Variants in CADPS observed in about 807,000 individuals in gnomAD.
CADPS encodes the protein calcium-dependent secretion activator 1.
Under a neutral mutation model 167.3 loss-of-function variants are expected in CADPS, and 57 were observed. The ratio of observed to expected loss-of-function variants is 0.34; its 90% confidence interval spans 0.28 to 0.42. The LOEUF (loss-of-function observed/expected upper bound fraction) is 0.42, where lower values mean the gene tolerates loss of function less well. Ranked by LOEUF, CADPS falls within the 20% of genes least tolerant of loss-of-function variation. The probability of loss-of-function intolerance (pLI) is 1.00; values close to 1 mark genes in which losing one functional copy is unlikely to be tolerated. For missense variants in CADPS, 1,414 were observed against 1,738.1 expected (o/e 0.81, Z 3.32); for synonymous variants, 676 against 635.3 (o/e 1.06, Z -0.96).
intron 28 of CADPS, among the ~76,000 whole-genome samples, chr3:62,427,668 C>CA (rs1015556690): frequency 3.3e-5 from 5 of 152,112 alleles, no homozygotes; most frequent in African/African-American, 4.8e-5. Context: ...AGCACTAACT[C>CA]AGAGTTCCCC....
At chr3:62,706,733 C>T (rs914916030) in intron 3 of CADPS, among the ~76,000 whole-genome samples, 5 of 152,076 alleles carry the variant, frequency 3.3e-5, no homozygotes, top group African/African-American at 4.8e-5. Flanking sequence ...TCCAGATTTC[C>T]CCTTTTTATA....
chr3:62,803,277 G>T (rs776977082), intron 1 of CADPS, among the ~76,000 whole-genome samples: 18 of 151,494 alleles, frequency 1.2e-4, no homozygotes, highest in Admixed American at 9.2e-4. Flanking sequence ...TTATTAAAGA[G>T]CCTGTAAGAC....
chr3:62,530,697 T>C, intron 13 of CADPS: 1 of 1,289,104 alleles, frequency 7.8e-7, no homozygotes, highest in East Asian at 5.6e-5. Flanking sequence ...TCTTTTCTTT[T>C]TTTGGATTCC....
chr3:62,816,592 T>C (rs897971627), intron 1 of CADPS, among the ~76,000 whole-genome samples: 2 of 151,768 alleles, frequency 1.3e-5, no homozygotes. Flanking sequence ...TATCTATGTA[T>C]ATATTTAAAG....
At chr3:62,711,536 T>G (rs10510886) in intron 3 of CADPS, among the ~76,000 whole-genome samples, 55,740 of 152,138 alleles carry the variant, frequency 0.37, 12,295 homozygotes, top group East Asian at 0.74. Flanking sequence ...AGTTCTTGTC[T>G]AATTGCTATT....
intron 14 of CADPS, 77 bp downstream of exon 14, chr3:62,518,072 T>G: frequency 1.1e-6 from 1 of 945,538 alleles, no homozygotes; most frequent in Non-Finnish European, 1.7e-6. Flanking sequence ...GATTTACAGT[T>G]TTGGAAAATT....
intron 11 of CADPS, among the ~76,000 whole-genome samples, chr3:62,540,107 C>T (rs760283553): frequency 1.3e-5 from 2 of 152,178 alleles, no homozygotes; most frequent in Middle Eastern, 3.4e-3. Context: ...GTTTGAAAAG[C>T]CAGTTTGTTT....
chr3:62,780,867 T>C (rs1218506933), intron 1 of CADPS, among the ~76,000 whole-genome samples: 3 of 152,234 alleles, frequency 2.0e-5, no homozygotes, highest in Admixed American at 1.3e-4. Flanking sequence ...TAGATATTTA[T>C]ATGAGTCATG....
At chr3:62,491,536 AACACACAC>A (rs34655412) in intron 20 of CADPS, 56 bp from the exon 21 acceptor site, 3 of 1,005,358 alleles carry the variant, frequency 3.0e-6, no homozygotes, top group South Asian at 3.0e-5. Context: ...ATCAACGTAC[AACACACAC>A]ACACACACAC....
chr3:62,474,399 T>C, intron 23 of CADPS, 79 bp from the exon 24 acceptor site: 1 of 1,362,158 alleles, frequency 7.3e-7, no homozygotes, highest in Non-Finnish European at 1.0e-6. Flanking sequence ...GAGAGGTCAG[T>C]GAAAAAGAAA....
intron 1 of CADPS, among the ~76,000 whole-genome samples, chr3:62,771,369 C>A (rs1297510416): frequency 6.6e-6 from 1 of 152,196 alleles, no homozygotes; most frequent in African/African-American, 2.4e-5. Context: ...TCTTAACACC[C>A]TTTGCCAACT....
intron 24 of CADPS, chr3:62,473,948 C>T: frequency 2.3e-6 from 1 of 430,710 alleles, no homozygotes. Flanking sequence ...CACCCCAACT[C>T]CAGCCAAGAA....
At chr3:62,428,552 G>T (rs1305514186) in intron 28 of CADPS, among the ~76,000 whole-genome samples, 1 of 152,062 alleles carries the variant, frequency 6.6e-6, no homozygotes, top group Non-Finnish European at 1.5e-5. Flanking sequence ...CTCCTTCAGA[G>T]ACTGGCAAAG....
At chr3:62,793,791 G>A (rs971165933) in intron 1 of CADPS, among the ~76,000 whole-genome samples, 1 of 152,194 alleles carries the variant, frequency 6.6e-6, no homozygotes, top group Non-Finnish European at 1.5e-5. Flanking sequence ...GTGCACATGT[G>A]TGCGTGCATG....
chr3:62,547,586 G>C (rs1042944838), intron 11 of CADPS, among the ~76,000 whole-genome samples: 308 of 31,344 alleles, frequency 9.8e-3, no homozygotes, highest in Admixed American at 0.016. Flanking sequence ...TATCATTTAC[G>C]CCCCCCCCCC....
At chr3:62,829,244 T>G (rs1460497925) in intron 1 of CADPS, among the ~76,000 whole-genome samples, 1 of 152,074 alleles carries the variant, frequency 6.6e-6, no homozygotes, top group Non-Finnish European at 1.5e-5. Flanking sequence ...TTTTTAAAAA[T>G]AAAACATAAC....
intron 28 of CADPS, among the ~76,000 whole-genome samples, chr3:62,416,795 A>T (rs2050148204): frequency 6.6e-6 from 1 of 152,204 alleles, no homozygotes; most frequent in Non-Finnish European, 1.5e-5. Flanking sequence ...GGCTAAACAC[A>T]GACAGGACAA....
At chr3:62,606,856 T>C (rs1481843774) in intron 6 of CADPS, among the ~76,000 whole-genome samples, 2 of 152,036 alleles carry the variant, frequency 1.3e-5, no homozygotes, top group Non-Finnish European at 2.9e-5. Context: ...CTATGTGGAG[T>C]AGACCTAAGC....
At chr3:62,520,709 G>A (rs1191848636) in intron 13 of CADPS, among the ~76,000 whole-genome samples, 1 of 151,988 alleles carries the variant, frequency 6.6e-6, no homozygotes, top group Non-Finnish European at 1.5e-5. Context: ...GTAACTGCCA[G>A]AATTGCTCTG....
Sources: gnomAD v4.1 joint callset for allele counts (sites outside exome capture counted in the v4.1 genomes callset) on GRCh38, gnomAD v4.1.1 for gene constraint, MANE v1.5 for transcripts, NCBI Gene and HGNC (gene_info 2026-07-23, HGNC 2026-07-21) for gene names.